The following ATP11B variants were observed in gnomAD, a reference collection of about 807,000 sequenced individuals.
ATP11B encodes the protein ATPase phospholipid transporting 11B (putative), also known as phospholipid-transporting ATPase IF.
A neutral mutation model predicts 157.8 loss-of-function variants in ATP11B; 81 were observed. The observed-to-expected ratio is 0.51, with a 90% CI of 0.43 to 0.62. ATP11B has a LOEUF of 0.62. ATP11B is among the 20% of genes least tolerant of loss of function. The probability of loss-of-function intolerance (pLI) is 0.00; values close to 1 mark genes in which losing one functional copy is unlikely to be tolerated. For missense variants in ATP11B, 1,165 were observed against 1,402.2 expected, an observed-to-expected ratio of 0.83 and a Z score of 2.70; for synonymous variants, 451 against 469.4, an observed-to-expected ratio of 0.96 and a Z score of 0.51.
rs764702664 is a variant in ATP11B at position 182,828,204 on chromosome 3, G to A, written c.229G>A (p.Val77Ile). 5 of 1,427,836 alleles carry A rather than the reference G, an allele frequency of 3.5e-6. No homozygotes were observed. In the East Asian group the frequency reaches 1.2e-4, roughly 35 times the overall value. The allele number at this position is 1,427,836 out of a possible 1,614,324, so 88.4% of individuals were successfully genotyped here. ...ANFYFLIIFL[V>I]QLMIDTPTSP... The stretch of plus-strand genomic sequence containing the variant: ...CTTTTATTTTCTTATTATATTTTTG[G>A]TTCAGGTAAGCTTTATTACTCAATC... The change falls in exon 3 of 30, where the codon GTT (valine) becomes ATT (isoleucine). Residue 77 changes from valine (V) to isoleucine (I), a missense_variant. Val to Ile is a conservative substitution (Grantham distance 29, BLOSUM62 3). Coordinates refer to ENST00000323116, the MANE Select transcript of ATP11B (RefSeq NM_014616.3).
chr3:182,859,198 G>C lies in ATP11B; in HGVS notation c.1039G>C (p.Val347Leu), dbSNP rs1395129827. ...TATTTCAGACTTCCTTGCTTTTTTG[G>C]TTCTCTACAATTTCATCATTCCAAT... ...RFISDFLAFL[V>L]LYNFIIPISL... The change falls in exon 12 of 30, where the codon GTT becomes CTT. Residue 347 changes from valine (V) to leucine (L), a missense_variant. Physicochemically the swap from Val to Leu is conservative, Grantham distance 32. Transcript: ENST00000323116. 6.2e-7 allele frequency: 1 copy of C among 1,604,328 alleles called. No individual in the cohort carries two copies. The highest frequency in any genetic ancestry group is 8.5e-7 in the Non-Finnish European group (1 of 1,175,626).
intron 19 of ATP11B, among the ~76,000 whole-genome samples, chr3:182,878,610 A>G (rs1163552328): frequency 1.3e-5 from 2 of 152,202 alleles, no homozygotes; most frequent in East Asian, 1.9e-4. Flanking sequence ...TAGTTTGCCC[A>G]CTTTCCAGCA....
intron 21 of ATP11B, among the ~76,000 whole-genome samples, chr3:182,883,751 C>A (rs957414788): frequency 6.7e-6 from 1 of 150,332 alleles, no homozygotes; most frequent in Non-Finnish European, 1.5e-5. Flanking sequence ...GTCAGGAGAT[C>A]GAGACCATCC....
chr3:182,858,254 A>G (rs1720576620), intron 11 of ATP11B, among the ~76,000 whole-genome samples: 1 of 152,228 alleles, frequency 6.6e-6, no homozygotes, highest in South Asian at 2.1e-4. Flanking sequence ...CATGACTTGA[A>G]TAGTTCAAAG....
intron 28 of ATP11B, among the ~76,000 whole-genome samples, chr3:182,907,096 A>C (rs1724419495): frequency 6.6e-6 from 1 of 151,518 alleles, no homozygotes; most frequent in South Asian, 2.1e-4. Context: ...CCGTCTCAAA[A>C]AAAAAAAAAA....
Position 182,918,156 on chromosome 3 carries a change from G to T in ATP11B, c.*52G>T. On this transcript the variant is annotated 3_prime_UTR_variant, in exon 30 of 30. Transcript: ENST00000323116. The stretch of plus-strand genomic sequence containing the variant: ...AGTTCACCTCCTTTCCTAAAATTCA[G>T]TGTGATCACCCTGTTAATGGCCACA... 1 of 1,608,784 alleles carries T rather than the reference G, an allele frequency of 6.2e-7. No individual in the cohort carries two copies. Among genetic ancestry groups the T allele is most frequent in the Non-Finnish European group, 8.5e-7 (1 of 1,177,296 alleles).
Position 182,872,556 on chromosome 3 carries a change from A to C in ATP11B, c.2048+19A>C. 6.4e-7 allele frequency: 1 copy of C among 1,554,644 alleles called. No homozygotes were observed. Among genetic ancestry groups the C allele is most frequent in the Non-Finnish European group, 8.7e-7 (1 of 1,152,576 alleles). ...AAGACAGGTAAGTATCAGATAATTA[A>C]AAAATATTACTTTTCTCTCATAGGA... On this transcript the variant is annotated intron_variant, in intron 18 of 29. Coordinates refer to ENST00000323116, the MANE Select transcript of ATP11B (RefSeq NM_014616.3).
chr3:182,885,050 A>T lies in ATP11B; in HGVS notation c.2655+152A>T, dbSNP rs995819648. On this transcript the variant is annotated intron_variant, in intron 22 of 29. Transcript: ENST00000323116. ...ATAAATCTATTCTATACTGACAGAA[A>T]GCAAATCAGTGGTTGCCTGGGGCCC... 7.7e-6 allele frequency: 4 copies of T among 517,474 alleles called. No homozygotes were observed. In the African/African-American group the frequency reaches 8.0e-5, roughly 10 times the overall value. 32.1% of individuals were successfully genotyped at this position (517,474 alleles called of 1,614,324 possible). A position where few individuals can be genotyped will look rare whatever the true frequency, so the allele number is the denominator to read the frequency against.
In ATP11B at chr3:182,887,588, A is replaced by G. The variant is rs1722881568; in HGVS notation, c.2718A>G (p.Thr906=). The change falls in exon 24 of 30, where the codon ACA becomes ACG. Residue 906 remains threonine (T), a splice_region_variant and synonymous_variant. Transcript: ENST00000323116. ...TTCCTACCAATTTCTCTTTCTAGAC[A>G]TTGTATGACAGCGTGTACCTGACTT... ...YQFYCLFSQQ[T]LYDSVYLTLY... The G allele has an allele frequency of 1.2e-6, 2 of 1,606,098 alleles. No individual in the cohort carries two copies. The highest frequency in any genetic ancestry group is 1.7e-6 in the Non-Finnish European group (2 of 1,177,774).
rs536288830 is a variant in ATP11B, at chr3:182,885,230, G to A, written c.2655+332G>A. On this transcript the variant is annotated intron_variant, in intron 22 of 29. Coordinates refer to ENST00000323116, the MANE Select transcript of ATP11B (RefSeq NM_014616.3). ...TGACCTTTTAGTAGTCTAGTGAAAT[G>A]TGTGAGCTCCTCAATATGGAGCTTT... is the stretch of plus-strand genomic sequence containing the variant. Among the ~76,000 whole-genome samples, 12 of 152,254 alleles carry A rather than the reference G, an allele frequency of 7.9e-5. No individual in the cohort carries two copies. The South Asian group carries it at 2.5e-3, about 32-fold the overall frequency.
chr3:182,797,707 CAAAA>C (rs1560049808), intron 1 of ATP11B, among the ~76,000 whole-genome samples: 12 of 146,982 alleles, frequency 8.2e-5, no homozygotes, highest in African/African-American at 3.0e-4. Flanking sequence ...GACTCTGTCT[CAAAA>C]AAGAAAAAAG....
At chr3:182,849,212 C>G (rs1427976307) in intron 10 of ATP11B, among the ~76,000 whole-genome samples, 2 of 152,128 alleles carry the variant, frequency 1.3e-5, no homozygotes, top group African/African-American at 4.8e-5. Flanking sequence ...TATACATGTG[C>G]AAGGGAGACA....
In ATP11B at chr3:182,889,494, T is replaced by C; in HGVS notation, c.2928T>C (p.Phe976=). ...ILGFSHAFIF[F]FGSYLLIGKD... Reference sequence around the variant, plus strand: ...GCTTCAGTCATGCCTTTATTTTCTTTTTTGGATCCTATTTACTAATAGGGA... The same window carrying C: ...GCTTCAGTCATGCCTTTATTTTCTTCTTTGGATCCTATTTACTAATAGGGA... Residue 976 remains phenylalanine, a synonymous_variant, in exon 25 of 30, where the codon TTT becomes TTC. Transcript: ENST00000323116. 6.4e-7 allele frequency: 1 copy of C among 1,574,464 alleles called. No homozygotes were observed. Among genetic ancestry groups the C allele is most frequent in the Non-Finnish European group, 8.6e-7 (1 of 1,167,216 alleles).
chr3:182,886,982 TC>T (rs1329168089), intron 23 of ATP11B, among the ~76,000 whole-genome samples: 1 of 152,196 alleles, frequency 6.6e-6, no homozygotes, highest in Non-Finnish European at 1.5e-5. Context: ...GATTAGGTTT[TC>T]TGGAGAGTTT....
intron 15 of ATP11B, among the ~76,000 whole-genome samples, chr3:182,868,723 G>T (rs929195882): frequency 6.6e-6 from 1 of 152,156 alleles, no homozygotes; most frequent in East Asian, 1.9e-4. Flanking sequence ...CTGGATTCCA[G>T]TTCTTGCTCT....
At chr3:182,820,043 A>T (rs1717228487) in intron 1 of ATP11B, among the ~76,000 whole-genome samples, 1 of 152,160 alleles carries the variant, frequency 6.6e-6, no homozygotes, top group Admixed American at 6.5e-5. Flanking sequence ...AAGAAAAAAA[A>T]ATAGTAAAGT....
chr3:182,818,786 G>T (rs770507157), intron 1 of ATP11B, among the ~76,000 whole-genome samples: 1 of 151,982 alleles, frequency 6.6e-6, no homozygotes, highest in African/African-American at 2.4e-5. Context: ...AATTACTTAC[G>T]TAGTAGGTTA....
chr3:182,848,212 C>A (rs933795298), intron 9 of ATP11B, among the ~76,000 whole-genome samples: 3 of 152,134 alleles, frequency 2.0e-5, no homozygotes, highest in African/African-American at 7.2e-5. Flanking sequence ...AATTCCAATT[C>A]AAGTAATAAA....
intron 22 of ATP11B, among the ~76,000 whole-genome samples, chr3:182,885,698 G>A (rs1357745410): frequency 1.3e-5 from 2 of 152,092 alleles, no homozygotes; most frequent in Admixed American, 1.3e-4. Flanking sequence ...CAAAATTATA[G>A]TGTTGCTTGG....
Sources: allele counts gnomAD v4.1 joint callset (sites outside exome capture counted in the v4.1 genomes callset), GRCh38; gene constraint gnomAD v4.1.1; transcripts MANE v1.5; gene names NCBI Gene and HGNC (gene_info 2026-07-23, HGNC 2026-07-21).